CRACD: variants seen among roughly 807,000 people sequenced by gnomAD.
CRACD encodes the protein capping protein-inhibiting regulator of actin dynamics.
Under a neutral mutation model 106.8 loss-of-function variants are expected in CRACD, and 56 were observed. The ratio of observed to expected loss-of-function variants is 0.52; its 90% CI spans 0.42 to 0.66. The LOEUF (loss-of-function observed/expected upper bound fraction) is 0.66. Among genes scored for constraint, CRACD ranks in the 30% least tolerant of loss-of-function variants. The pLI is 0.00. For missense variants in CRACD, 1,730 were observed against 1,623.2 expected (o/e 1.07, Z -1.13); for synonymous variants, 754 against 670.8 (o/e 1.12, Z -1.92).
At chr4:56,193,986 T>C (rs1252166883) in intron 2 of CRACD, among the ~76,000 whole-genome samples, 2 of 152,166 alleles carry the variant, frequency 1.3e-5, no homozygotes, top group East Asian at 3.8e-4. Flanking sequence ...TGGAAAAATA[T>C]AGCAATAAGA....
chr4:56,241,238 T>C (rs547230417), intron 2 of CRACD, among the ~76,000 whole-genome samples: 56 of 152,308 alleles, frequency 3.7e-4, no homozygotes, highest in Non-Finnish European at 6.2e-4. Context: ...GATTTCTGTT[T>C]ATTGCAACCA....
chr4:56,235,105 A>G (rs1328466643), intron 2 of CRACD, among the ~76,000 whole-genome samples: 4 of 152,228 alleles, frequency 2.6e-5, no homozygotes, highest in Non-Finnish European at 4.4e-5. Flanking sequence ...TAAAAGAAAT[A>G]AAATGCCTTA....
intron 2 of CRACD, among the ~76,000 whole-genome samples, chr4:56,262,878 C>G (rs1370858223): frequency 6.6e-6 from 1 of 152,108 alleles, no homozygotes; most frequent in Non-Finnish European, 1.5e-5. Flanking sequence ...TGTCACAGAC[C>G]CCATGAGGGT....
chr4:56,054,096 G>C (rs1731969351), intron 1 of CRACD, among the ~76,000 whole-genome samples: 1 of 152,082 alleles, frequency 6.6e-6, no homozygotes, highest in Non-Finnish European at 1.5e-5. Context: ...CCACTTATTG[G>C]GTGGTCATTG....
chr4:56,315,260 G>A lies in CRACD; in HGVS notation c.1758G>A (p.Pro586=). The A allele has an allele frequency of 5.6e-6, 9 of 1,608,602 alleles. No individual in the cohort carries two copies. Among genetic ancestry groups the A allele is most frequent in the Non-Finnish European group, 7.6e-6 (9 of 1,177,852 alleles). ...CCAGCCCAGTCCAGCACGCCCTACC[G>A]TCGTCCCTGAGCGTTCCCCACACCG... ...PKASPVQHAL[P]SSLSVPHTAI... The change falls in exon 8 of 11, where the codon CCG becomes CCA. Residue 586 remains proline (P), a synonymous_variant. Transcript: ENST00000682029. This position sits in a 1 kb window ranked among gnomAD's most constrained non-coding sequence, Gnocchi z 4.1.
At chr4:56,296,061 T>C (rs1744007839) in intron 3 of CRACD, among the ~76,000 whole-genome samples, 1 of 152,146 alleles carries the variant, frequency 6.6e-6, no homozygotes. Context: ...TCTTCAACCC[T>C]CTCACAGTCC....
chr4:56,229,554 C>T lies in CRACD; in HGVS notation c.-188-42767C>T, dbSNP rs551914309. On this transcript the variant is annotated intron_variant, in intron 2 of 10. Transcript: ENST00000682029. ...TTAGCAGCCTGAATGGACTAAGATA[C>T]GTGTGAATGAACGGAAAAGGGCCTC... Among the ~76,000 whole-genome samples the T allele has an allele frequency of 5.3e-5, 8 of 152,214 alleles. 1 individual carries two copies. The highest frequency in any genetic ancestry group is 1.4e-4 in the African/African-American group (6 of 41,542).
chr4:56,144,757 G>T (rs1388541782), intron 1 of CRACD, among the ~76,000 whole-genome samples: 1 of 151,922 alleles, frequency 6.6e-6, no homozygotes, highest in Admixed American at 6.6e-5. Context: ...CCGGGTTCAG[G>T]TGATTTCCTG....
At chr4:56,073,307 G>A (rs951580783) in intron 1 of CRACD, among the ~76,000 whole-genome samples, 7 of 152,236 alleles carry the variant, frequency 4.6e-5, no homozygotes, top group South Asian at 2.1e-4. Context: ...TCTAACTGGC[G>A]TGAAATAGTA....
intron 1 of CRACD, among the ~76,000 whole-genome samples, chr4:56,062,690 A>G (rs1275746619): frequency 1.3e-5 from 2 of 152,226 alleles, no homozygotes; most frequent in Non-Finnish European, 2.9e-5. Context: ...CGTGGAATCC[A>G]GGTTATGTTG....
At chr4:56,130,529 A>G (rs1437589206) in intron 1 of CRACD, among the ~76,000 whole-genome samples, 1 of 152,050 alleles carries the variant, frequency 6.6e-6, no homozygotes, top group Non-Finnish European at 1.5e-5. Flanking sequence ...TTCCTTCCCT[A>G]TCACTCCTTA....
At chr4:56,313,933 A>G (rs955703093) in intron 7 of CRACD, 107 bp from the exon 8 acceptor site, 2 of 1,417,620 alleles carry the variant, frequency 1.4e-6, no homozygotes, top group African/African-American at 2.9e-5. Flanking sequence ...ACCTGCTTCC[A>G]GGTGTTCTTG....
chr4:56,199,412 A>G (rs527353615), intron 2 of CRACD, among the ~76,000 whole-genome samples: 4 of 152,264 alleles, frequency 2.6e-5, no homozygotes, highest in Middle Eastern at 3.4e-3. Context: ...GCCTGGGCGC[A>G]GTGGCTCATG....
intron 3 of CRACD, among the ~76,000 whole-genome samples, chr4:56,295,683 A>G (rs1440002145): frequency 2.0e-5 from 1 of 49,336 alleles, no homozygotes; most frequent in African/African-American, 7.1e-5. Context: ...ATATATATAT[A>G]TATATATATA....
intron 1 of CRACD, among the ~76,000 whole-genome samples, chr4:56,088,358 A>T (rs1266764459): frequency 6.6e-6 from 1 of 151,840 alleles, no homozygotes; most frequent in African/African-American, 2.4e-5. Context: ...TATTTTTGAG[A>T]CAGAGTCTTA....
At chr4:56,060,571 C>T (rs1030069239) in intron 1 of CRACD, among the ~76,000 whole-genome samples, 2 of 151,774 alleles carry the variant, frequency 1.3e-5, no homozygotes, top group African/African-American at 4.8e-5. Context: ...GTGGCAGGAA[C>T]GTCAGGCATG....
intron 1 of CRACD, among the ~76,000 whole-genome samples, chr4:56,075,392 G>T (rs999044457): frequency 6.6e-6 from 1 of 152,066 alleles, no homozygotes; most frequent in African/African-American, 2.4e-5. Flanking sequence ...TTAGGGATTC[G>T]ACTTCTTCCT....
In CRACD at chr4:56,294,068, A is replaced by C. The variant is rs575527735; in HGVS notation, c.-16-4146A>C. Among the ~76,000 whole-genome samples, 54 of 152,198 alleles carry C rather than the reference A, an allele frequency of 3.5e-4. 1 individual carries two copies. Among genetic ancestry groups the C allele is most frequent in the Admixed American group, 3.1e-3 (47 of 15,278 alleles). ...TGGCAAGAACTCATCTCTACAAAAA[A>C]TTTTAAAAGTAGCCAGGTATGCTGG... On this transcript the variant is annotated intron_variant, in intron 3 of 10. Transcript: ENST00000682029.
At chr4:56,297,410 G>A (rs1314438690) in intron 3 of CRACD, among the ~76,000 whole-genome samples, 1 of 152,052 alleles carries the variant, frequency 6.6e-6, no homozygotes, top group East Asian at 1.9e-4. Context: ...GGGTAACATA[G>A]CAAGACCCCA....
Sources: gnomAD v4.1 joint callset for allele counts (sites outside exome capture counted in the v4.1 genomes callset) on GRCh38, gnomAD v4.1.1 for gene constraint, Gnocchi (gnomAD v3.1) non-coding constraint, MANE v1.5 for transcripts, NCBI Gene and HGNC (gene_info 2026-07-23, HGNC 2026-07-21) for gene names.